The following NT5DC4 variants were observed in gnomAD, a reference collection of about 807,000 sequenced individuals.
NT5DC4 encodes 5'-nucleotidase domain-containing protein 4.
Under a neutral mutation model 26.6 loss-of-function variants are expected in NT5DC4, and 44 were observed. The ratio of observed to expected loss-of-function variants is 1.65; its 90% confidence interval spans 1.30 to 2.13. The LOEUF (loss-of-function observed/expected upper bound fraction) is 2.13. NT5DC4 is among the 30% of genes most tolerant of loss of function. NT5DC4 has a pLI of 0.00. For synonymous variants in NT5DC4, 157 were observed against 86.7 expected (o/e 1.81, Z -4.51); for missense variants, 399 against 228.1 (o/e 1.75, Z -4.83).
intron 12 of NT5DC4, 38 bp downstream of exon 12, chr2:112,725,278 C>A (rs1377773289): frequency 2.9e-6 from 2 of 696,210 alleles, no homozygotes; most frequent in Admixed American, 4.0e-5. Context: ...TCCTTGGGCA[C>A]CCTCCTTCCC....
At chr2:112,724,949 C>T (rs1251952631) in intron 11 of NT5DC4, 43 bp downstream of exon 11, 1 of 712,586 alleles carries the variant, frequency 1.4e-6, no homozygotes, top group African/African-American at 1.7e-5. Context: ...GGGAGGGCAG[C>T]CTGCCTGCCC....
chr2:112,731,917 CTTTT>C (rs749249208), intron 16 of NT5DC4, among the ~76,000 whole-genome samples: 2 of 108,632 alleles, frequency 1.8e-5, no homozygotes, highest in African/African-American at 3.6e-5. Flanking sequence ...AGAGAGTTTA[CTTTT>C]TTTTTTTTTT....
intron 16 of NT5DC4, among the ~76,000 whole-genome samples, chr2:112,732,638 G>A (rs1219922894): frequency 2.0e-5 from 3 of 152,202 alleles, no homozygotes; most frequent in African/African-American, 7.2e-5. Flanking sequence ...CACTACAAAA[G>A]TCAAATCTCA....
chr2:112,734,169 A>ATATATATGTG (rs150412692), intron 16 of NT5DC4, among the ~76,000 whole-genome samples: 12 of 134,866 alleles, frequency 8.9e-5, no homozygotes, highest in East Asian at 2.2e-4. Context: ...TATTATATAT[A>ATATATATGTG]TGTGTGTGTG....
At chr2:112,720,038 T>C (rs116384942), upstream of NT5DC4, among the ~76,000 whole-genome samples, 1,349 of 125,088 alleles carry the variant, frequency 0.011, 38 homozygotes, top group African/African-American at 0.046. Context: ...TCCTTCCTTC[T>C]TTCTTCCTTT....
chr2:112,727,230 G>T (rs768486668), intron 15 of NT5DC4: 4 of 195,218 alleles, frequency 2.0e-5, no homozygotes, highest in Non-Finnish European at 4.4e-5. Context: ...AGCTGGGGCC[G>T]ATCACAAAGG....
intron 15 of NT5DC4, among the ~76,000 whole-genome samples, chr2:112,728,325 C>T (rs924100261): frequency 3.3e-5 from 5 of 152,122 alleles, no homozygotes; most frequent in South Asian, 2.1e-4. Context: ...CAGTGGCTTC[C>T]GAAGGGGTGG....
At chr2:112,726,340 G>A (rs972207109) in intron 14 of NT5DC4, 51 bp downstream of exon 14, 7 of 716,672 alleles carry the variant, frequency 9.8e-6, no homozygotes, top group Non-Finnish European at 1.8e-5. Flanking sequence ...GAGGTATGGA[G>A]GGGCAGTGGC....
chr2:112,721,622 G>A, intron 1 of NT5DC4, 196 bp from the exon 2 acceptor site: 7 of 717,204 alleles, frequency 9.8e-6, no homozygotes, highest in Non-Finnish European at 1.8e-5. Context: ...ATGCTTACAT[G>A]CACACTCACA....
intron 1 of NT5DC4, 81 bp from the exon 2 acceptor site, chr2:112,721,737 G>A: frequency 2.8e-6 from 2 of 716,662 alleles, no homozygotes; most frequent in South Asian, 3.0e-5. Context: ...TCCTCTGCGG[G>A]GTTTCCACCC....
At chr2:112,724,656 G>A in intron 10 of NT5DC4, 125 bp from the exon 11 acceptor site, 1 of 634,766 alleles carries the variant, frequency 1.6e-6, no homozygotes, top group South Asian at 1.8e-5. Context: ...CGGGTTCCCA[G>A]GGGCTGAAGA....
intron 10 of NT5DC4, chr2:112,724,579 A>C (rs1677434061): frequency 1.7e-6 from 1 of 595,156 alleles, no homozygotes. Flanking sequence ...TTCAACACCC[A>C]CCTCCACAAG....
upstream of NT5DC4, among the ~76,000 whole-genome samples, chr2:112,719,018 G>A (rs954517324): frequency 6.6e-6 from 1 of 152,186 alleles, no homozygotes; most frequent in Non-Finnish European, 1.5e-5. Flanking sequence ...ATACAGTCAT[G>A]CGGGGCTTGA....
At chr2:112,735,038 ATTT>A (rs70965024) in intron 16 of NT5DC4, among the ~76,000 whole-genome samples, 34,028 of 93,810 alleles carry the variant, frequency 0.36, 5,391 homozygotes, top group East Asian at 0.58. Flanking sequence ...AGGCAAGAAC[ATTT>A]TTTTTTTTTT....
intron 1 of NT5DC4, chr2:112,721,553 A>G (rs755109027): frequency 3.9e-5 from 28 of 717,714 alleles, no homozygotes; most frequent in Non-Finnish European, 6.5e-5. Flanking sequence ...GCATGGTGGG[A>G]CAGCAAGCGG....
intron 16 of NT5DC4, among the ~76,000 whole-genome samples, chr2:112,730,331 A>AAAG (rs1678333209): frequency 1.4e-5 from 2 of 146,108 alleles, no homozygotes; most frequent in African/African-American, 2.5e-5. Flanking sequence ...AAAAAAAAAA[A>AAAG]GCGACAGTTG....
chr2:112,723,544 T>A (rs562193367), intron 8 of NT5DC4, 76 bp downstream of exon 8: 10 of 706,080 alleles, frequency 1.4e-5, no homozygotes, highest in African/African-American at 1.1e-4. Flanking sequence ...CTTCTCTGGC[T>A]TTCTTCGAGG....
In NT5DC4 at chr2:112,722,059, G is replaced by T. The variant is rs188470836; in HGVS notation, c.222G>T (p.Pro74=). 8.2e-4 allele frequency: 591 copies of T among 717,072 alleles called. 2 individuals carry two copies. In the African/African-American group the frequency reaches 8.8e-3, roughly 11 times the overall value. The allele number at this position is 717,072 out of a possible 1,614,324, so 44.4% of individuals were successfully genotyped here. ...LLERLVCIGY[P]HEILRYTYDP... ...AGCGCCTGGTGTGCATTGGGTACCC[G>T]CATGAGATCCTGCGCTACACCTACG... Residue 74 remains proline (P), a synonymous_variant, in exon 3 of 17, where the codon CCG becomes CCT. Transcript: ENST00000688554.
downstream of NT5DC4, chr2:112,742,716 T>A (rs764243826): frequency 6.2e-7 from 1 of 1,600,440 alleles, no homozygotes; most frequent in Admixed American, 1.7e-5. Context: ...CTTCTGTGGT[T>A]CTGTTTGAGT....
Sources: gnomAD v4.1 joint callset for allele counts (sites outside exome capture counted in the v4.1 genomes callset) on GRCh38, gnomAD v4.1.1 for gene constraint, MANE v1.5 for transcripts, NCBI Gene and HGNC (gene_info 2026-07-23, HGNC 2026-07-21) for gene names.